Variants in MALT1 observed in about 807,000 individuals in gnomAD.
The protein encoded by MALT1 is mucosa-associated lymphoid tissue lymphoma translocation protein 1.
Under a neutral mutation model 85.5 loss-of-function variants are expected in MALT1, and 36 were observed. The observed-to-expected ratio is 0.42, with a 90% confidence interval of 0.32 to 0.56. The LOEUF (loss-of-function observed/expected upper bound fraction) is 0.56. Among genes scored for constraint, MALT1 ranks in the 20% least tolerant of loss-of-function variants. The probability of loss-of-function intolerance (pLI) is 0.10; values close to 1 mark genes in which losing one functional copy is unlikely to be tolerated. For synonymous variants in MALT1, 359 were observed against 361.3 expected (o/e 0.99, Z 0.07); for missense variants, 716 against 981.6 (o/e 0.73, Z 3.62).
Position 58,723,204 on chromosome 18 carries a change from G to A in MALT1, c.1175G>A (p.Arg392His), listed in dbSNP as rs780898848. Residue 392 changes from arginine (R) to histidine (H), a missense_variant, in exon 10 of 17, where the codon CGT becomes CAT. Physicochemically the swap from Arg to His is conservative, Grantham distance 29. Transcript: ENST00000649217. ...SLLDLTEYEM[R>H]NAVDEFLLLL... Reference sequence around the variant, plus strand: ...TTGGATCTTACTGAATATGAGATGCGTAATGCTGTGGATGAGTTTTTACTC... The same window carrying A: ...TTGGATCTTACTGAATATGAGATGCATAATGCTGTGGATGAGTTTTTACTC... The A allele has an allele frequency of 6.8e-6, 11 of 1,613,378 alleles. No individual in the cohort carries two copies. The highest frequency in any genetic ancestry group is 9.3e-6 in the Non-Finnish European group (11 of 1,179,578).
chr18:58,690,861 G>A (rs564121094), intron 2 of MALT1: 7 of 227,734 alleles, frequency 3.1e-5, no homozygotes, highest in South Asian at 7.3e-5. Context: ...CAAGATGAGC[G>A]TCTTCTGAAT....
chr18:58,702,158 A>C (rs2054680938), intron 4 of MALT1, among the ~76,000 whole-genome samples: 1 of 147,260 alleles, frequency 6.8e-6, no homozygotes, highest in Non-Finnish European at 1.5e-5. Context: ...GAATCACTTG[A>C]GGCCAGGGGT....
chr18:58,722,007 A>G (rs764147436), intron 9 of MALT1, among the ~76,000 whole-genome samples: 3 of 151,880 alleles, frequency 2.0e-5, no homozygotes. Context: ...TGCTGCTACT[A>G]TTACGGGTGC....
intron 13 of MALT1, among the ~76,000 whole-genome samples, chr18:58,736,242 C>T (rs2055219515): frequency 1.3e-5 from 2 of 152,144 alleles, no homozygotes. Flanking sequence ...GACCAACTGT[C>T]AGCCATATTT....
At position 58,727,277 on chromosome 18, in the gene MALT1, G is replaced by GT. The variant is rs72214619; in HGVS notation, c.1222+4036dup. 8.8e-4 allele frequency among the ~76,000 whole-genome samples: 131 copies of GT among 148,370 alleles called. 2 individuals are homozygous for GT. Among genetic ancestry groups the GT allele is most frequent in the African/African-American group, 3.2e-3 (127 of 39,252 alleles). On this transcript the variant is annotated intron_variant, in intron 10 of 16. Transcript: ENST00000649217. ...TAAGGGTCTACCTAAGGTTTTTTGG[G>GT]TTTTTTTTTTGGTTTTGGGTTTTTG...
intron 10 of MALT1, among the ~76,000 whole-genome samples, chr18:58,725,168 G>A (rs1206733429): frequency 5.3e-5 from 8 of 150,178 alleles, no homozygotes; most frequent in South Asian, 2.1e-4. Flanking sequence ...ATAAAAACAC[G>A]AAAATTAGCT....
At chr18:58,743,077 A>C (rs2055323774) in intron 14 of MALT1, among the ~76,000 whole-genome samples, 1 of 152,172 alleles carries the variant, frequency 6.6e-6, no homozygotes, top group South Asian at 2.1e-4. Context: ...TTTCATAAAT[A>C]ATAATTTTTG....
chr18:58,702,688 T>C (rs931116261), intron 4 of MALT1, among the ~76,000 whole-genome samples: 7 of 152,236 alleles, frequency 4.6e-5, no homozygotes, highest in African/African-American at 1.7e-4. Context: ...CCCAAACTAT[T>C]GTATTGCTCC....
rs574285957 is a variant in MALT1 at position 58,696,337 on chromosome 18, ATTTTTTTTTTTT to A, written c.377-14_377-3del. 4.0e-6 allele frequency: 4 copies of A among 990,752 alleles called. No homozygotes were observed. The highest frequency in any genetic ancestry group is 3.9e-5 in the East Asian group (1 of 25,862). The allele number at this position is 990,752 out of a possible 1,614,324, so 61.4% of individuals were successfully genotyped here. On this transcript the variant is annotated splice_polypyrimidine_tract_variant and intron_variant, in intron 2 of 16. Coordinates refer to ENST00000649217, the MANE Select transcript of MALT1 (RefSeq NM_006785.4). ...AAGGAAAATCCCTCTTGTGACTTTA[ATTTTTTTTTTTT>A]TTTTTTTTTTTTTTAGGAATAAAGA...
At chr18:58,710,304 A>C (rs2144389978) in intron 6 of MALT1, among the ~76,000 whole-genome samples, 1 of 152,354 alleles carries the variant, frequency 6.6e-6, no homozygotes, top group South Asian at 2.1e-4. Context: ...TTTTGTTTAA[A>C]TTATTTTAGT....
intron 2 of MALT1, 21 bp downstream of exon 2, chr18:58,681,357 T>A: frequency 1.2e-6 from 2 of 1,604,172 alleles, no homozygotes; most frequent in Non-Finnish European, 1.7e-6. Context: ...TTCTTAGGAT[T>A]ATTCTCCAGG....
At chr18:58,733,817 C>CA (rs1438538726) in intron 11 of MALT1, 2 of 1,025,476 alleles carry the variant, frequency 2.0e-6, no homozygotes, top group African/African-American at 3.3e-5. Flanking sequence ...ACTCACACTA[C>CA]AGGGGATTCA....
rs547042742 is a variant in MALT1, at chr18:58,701,693, C to A, written c.649+1102C>A. Among the ~76,000 whole-genome samples, 6 of 152,316 alleles carry A rather than the reference C, an allele frequency of 3.9e-5. No individual in the cohort carries two copies. The East Asian group carries it at 1.2e-3, about 29-fold the overall frequency. On this transcript the variant is annotated intron_variant, in intron 4 of 16. Coordinates refer to ENST00000649217, the MANE Select transcript of MALT1 (RefSeq NM_006785.4). The stretch of plus-strand genomic sequence containing the variant: ...GACCCCAAACTACTTACACAACTAT[C>A]AGGAAAGATTATCTGCTACAACAGA...
At chr18:58,711,904 G>A (rs746374645) in intron 7 of MALT1, among the ~76,000 whole-genome samples, 3 of 152,116 alleles carry the variant, frequency 2.0e-5, no homozygotes, top group Non-Finnish European at 4.4e-5. Context: ...CCCTGTTTGA[G>A]GGAAGCCATG....
At chr18:58,673,154 T>G (rs2054191002) in intron 1 of MALT1, among the ~76,000 whole-genome samples, 1 of 151,420 alleles carries the variant, frequency 6.6e-6, no homozygotes, top group African/African-American at 2.5e-5. Context: ...GTATAGAGGT[T>G]AGTAAATACT....
At chr18:58,674,127 G>T (rs750488373) in intron 1 of MALT1, 3 of 152,140 alleles carry the variant, frequency 2.0e-5, no homozygotes, top group Non-Finnish European at 4.4e-5. Flanking sequence ...CTCCTACATG[G>T]CCATGAAGGA....
Position 58,671,777 on chromosome 18 carries a change from T to A in MALT1, c.134T>A (p.Leu45Gln). Residue 45 changes from leucine to glutamine, a missense_variant, in exon 1 of 17, where the codon CTG becomes CAG. This residue lies in a region of MALT1 where 80 missense variants were observed against 65.1 expected (regional missense o/e 1.23). Transcript: ENST00000649217. ...CTGCTGCGGAGGCTCAGCGAGCTCCTGGATCAGGCGCCCGAGGGCCGGGGC... is the reference window on the plus strand; with the variant it reads ...CTGCTGCGGAGGCTCAGCGAGCTCCAGGATCAGGCGCCCGAGGGCCGGGGC... ...EPLLRRLSEL[L>Q]DQAPEGRGWR... is the part of the protein sequence containing the mutation. 1 of 1,255,492 alleles carries A rather than the reference T, an allele frequency of 8.0e-7. No homozygotes were observed. The highest frequency in any genetic ancestry group is 1.0e-6 in the Non-Finnish European group (1 of 1,001,368). The allele number at this position is 1,255,492 out of a possible 1,614,324, so 77.8% of individuals were successfully genotyped here.
At chr18:58,682,945 A>G (rs959530407) in intron 2 of MALT1, among the ~76,000 whole-genome samples, 10 of 152,172 alleles carry the variant, frequency 6.6e-5, no homozygotes, top group South Asian at 2.1e-4. Flanking sequence ...CTTCCTACCA[A>G]CAGGGCTGGG....
intron 4 of MALT1, among the ~76,000 whole-genome samples, chr18:58,705,416 T>G (rs1568136586): frequency 6.6e-6 from 1 of 150,954 alleles, no homozygotes. Flanking sequence ...GCTGGTGCAC[T>G]GCACCCACTA....
Sources: allele counts gnomAD v4.1 joint callset (sites outside exome capture counted in the v4.1 genomes callset), GRCh38; gene constraint gnomAD v4.1.1; regional missense constraint gnomAD v4.1.1; transcripts MANE v1.5; gene names NCBI Gene and HGNC (gene_info 2026-07-23, HGNC 2026-07-21).